Variants in ANAPC4 observed in about 807,000 individuals in gnomAD.
The protein encoded by ANAPC4 is anaphase promoting complex subunit 4.
Under a neutral mutation model 119.8 loss-of-function variants are expected in ANAPC4, and 63 were observed. That is an observed-to-expected ratio of 0.53 (90% CI 0.43 to 0.65). The LOEUF is 0.65. Among genes scored for constraint, ANAPC4 ranks in the 30% least tolerant of loss-of-function variants. The pLI is 0.00. For synonymous variants in ANAPC4, 283 were observed against 318.6 expected (o/e 0.89, Z 1.19); for missense variants, 716 against 945.1 (o/e 0.76, Z 3.18).
intron 24 of ANAPC4, 25 bp downstream of exon 24, chr4:25,414,529 T>G (rs1297743641): frequency 1.2e-5 from 19 of 1,588,404 alleles, no homozygotes; most frequent in Non-Finnish European, 1.5e-5. Context: ...CTTCCCTATC[T>G]TGAGTGAACA....
Position 25,377,349 on chromosome 4 carries a change from A to G in ANAPC4, c.-11+5A>G. ...TGCCGGTGGGGACTCTTGCAGGTAC[A>G]GGCGCGGTCGGGGCTCCTCGTGGAG... On this transcript the variant is annotated splice_donor_5th_base_variant and intron_variant, in intron 1 of 28. Coordinates refer to ENST00000315368, the MANE Select transcript of ANAPC4 (RefSeq NM_013367.3). 2.5e-6 allele frequency: 4 copies of G among 1,575,602 alleles called. No individual in the cohort carries two copies. The highest frequency in any genetic ancestry group is 3.4e-6 in the Non-Finnish European group (4 of 1,160,746).
chr4:25,414,775 A>G, intron 25 of ANAPC4, 75 bp downstream of exon 25: 1 of 1,285,810 alleles, frequency 7.8e-7, no homozygotes, highest in Non-Finnish European at 1.0e-6. Context: ...ACAGCCTTCC[A>G]GCATTTCAGA....
chr4:25,384,607 G>A (rs948121995), intron 4 of ANAPC4, among the ~76,000 whole-genome samples: 2 of 152,148 alleles, frequency 1.3e-5, no homozygotes, highest in African/African-American at 2.4e-5. Flanking sequence ...GTAGGCAGGA[G>A]CTCAGGAGTT....
intron 25 of ANAPC4, 31 bp from the exon 26 acceptor site, chr4:25,415,435 A>T (rs377388000): frequency 1.1e-4 from 170 of 1,553,110 alleles, no homozygotes; most frequent in Non-Finnish European, 1.5e-4. Context: ...TGTTCCACAG[A>T]GTCTCTTTTT....
At chr4:25,386,814 G>T (rs1294389105) in intron 4 of ANAPC4, among the ~76,000 whole-genome samples, 2 of 152,112 alleles carry the variant, frequency 1.3e-5, no homozygotes, top group Non-Finnish European at 2.9e-5. Context: ...AAGGAGATAT[G>T]CCTGTATTTT....
chr4:25,409,421 A>G (rs1449479759), intron 20 of ANAPC4, among the ~76,000 whole-genome samples: 1 of 152,202 alleles, frequency 6.6e-6, no homozygotes, highest in African/African-American at 2.4e-5. Flanking sequence ...AATTTTTAAG[A>G]TAGTAGCTAG....
chr4:25,418,119 A>C, intron 28 of ANAPC4, 36 bp from the exon 29 acceptor site: 1 of 1,551,086 alleles, frequency 6.4e-7, no homozygotes, highest in Non-Finnish European at 8.8e-7. Context: ...ATAAGCCATT[A>C]ATTTAAAAAT....
At chr4:25,382,852 A>G (rs1005145584) in intron 3 of ANAPC4, among the ~76,000 whole-genome samples, 8 of 152,260 alleles carry the variant, frequency 5.3e-5, no homozygotes, top group African/African-American at 1.9e-4. Flanking sequence ...TAGAAACATA[A>G]AAGAGGAATA....
At chr4:25,384,262 T>A (rs947580193) in intron 4 of ANAPC4, among the ~76,000 whole-genome samples, 57 of 152,308 alleles carry the variant, frequency 3.7e-4, no homozygotes, top group African/African-American at 1.3e-3. Flanking sequence ...TACTTCTAAT[T>A]CTAGTTCTCT....
In ANAPC4 at chr4:25,417,605, T is replaced by G. The variant is rs1261122800; in HGVS notation, c.2076-11T>G. ...CTTTTCATTCCTGAGTTGGTTTTTTTCCCTCTTTAGGCTAGATGAACAGTG... is the reference window on the plus strand; with the variant it reads ...CTTTTCATTCCTGAGTTGGTTTTTTGCCCTCTTTAGGCTAGATGAACAGTG... On this transcript the variant is annotated splice_polypyrimidine_tract_variant and intron_variant, in intron 27 of 28. Coordinates refer to ENST00000315368, the MANE Select transcript of ANAPC4 (RefSeq NM_013367.3). 1.3e-6 allele frequency: 2 copies of G among 1,576,046 alleles called. No homozygotes were observed. The highest frequency in any genetic ancestry group is 1.7e-6 in the Non-Finnish European group (2 of 1,165,272).
chr4:25,411,564 G>T (rs533106859), intron 21 of ANAPC4, among the ~76,000 whole-genome samples: 71 of 152,268 alleles, frequency 4.7e-4, no homozygotes, highest in African/African-American at 1.7e-3. Context: ...GGTAAAAGTT[G>T]GTGCTCTGAA....
chr4:25,395,548 C>G (rs1202405470), intron 14 of ANAPC4: 2 of 152,710 alleles, frequency 1.3e-5, no homozygotes, highest in Non-Finnish European at 2.9e-5. Context: ...CTCCCGGGTT[C>G]AAGCGATTCT....
Position 25,394,346 on chromosome 4 carries a change from A to G in ANAPC4, c.913A>G (p.Met305Val). 1.3e-6 allele frequency: 2 copies of G among 1,582,430 alleles called. No homozygotes were observed. The highest frequency in any genetic ancestry group is 1.7e-6 in the Non-Finnish European group (2 of 1,172,452). ...NTTTSVQDEF[M>V]HLLLWGKASA... is the part of the protein sequence containing the mutation. ...AACCACATCAGTGCAAGATGAGTTC[A>G]TGCACTTGCTATTATGGGGGAAAGC... The change falls in exon 12 of 29, where the codon ATG becomes GTG. Residue 305 changes from methionine (M) to valine (V), a missense_variant. By Grantham distance (21) the Met-to-Val change is conservative. Around this residue, in one of 3 missense-constraint regions of ANAPC4, gnomAD observed 504 missense variants for 615.8 expected, o/e 0.82. Transcript: ENST00000315368.
At chr4:25,389,071 A>G (rs1722196124) in intron 7 of ANAPC4, among the ~76,000 whole-genome samples, 189 bp downstream of exon 7, 1 of 151,750 alleles carries the variant, frequency 6.6e-6, no homozygotes, top group South Asian at 2.1e-4. Flanking sequence ...GCTCACTACA[A>G]CCTCTACTTC....
intron 16 of ANAPC4, among the ~76,000 whole-genome samples, chr4:25,400,536 G>T (rs189490110): frequency 6.6e-6 from 1 of 152,294 alleles, no homozygotes. Context: ...CAGCTGTCTA[G>T]TCCAGCAGGA....
chr4:25,380,991 G>A (rs770278849), intron 3 of ANAPC4, among the ~76,000 whole-genome samples: 34 of 152,048 alleles, frequency 2.2e-4, no homozygotes, highest in African/African-American at 7.0e-4. Context: ...ACCCTCTTAC[G>A]TTAAAGCCTG....
chr4:25,408,195 T>C (rs1210565940), intron 20 of ANAPC4, among the ~76,000 whole-genome samples: 1 of 152,242 alleles, frequency 6.6e-6, no homozygotes, highest in Non-Finnish European at 1.5e-5. Context: ...TTTCAGATAA[T>C]TGTGACTTTG....
rs199902077 is a variant in ANAPC4 at position 25,416,552 on chromosome 4, A to G, written c.2029A>G (p.Ser677Gly). The G allele has an allele frequency of 1.0e-4, 162 of 1,583,350 alleles. No homozygotes were observed. Among genetic ancestry groups the G allele is most frequent in the Non-Finnish European group, 1.3e-4 (149 of 1,159,330 alleles). Residue 677 changes from serine to glycine, a missense_variant, in exon 27 of 29, where the codon AGT becomes GGT. By Grantham distance (56) the Ser-to-Gly change is moderately conservative. This residue lies in a region of ANAPC4 where 504 missense variants were observed against 615.8 expected (regional missense o/e 0.82). Transcript: ENST00000315368. The part of the protein sequence containing the change: ...VQLPLSLVYN[S>G]EDSAEYQFTG... ...GCTGCCTTTGTCTTTAGTATATAAC[A>G]GTGAAGATTCTGCAGAATATCAGTT...
At chr4:25,393,491 G>A (rs184460537) in intron 10 of ANAPC4, among the ~76,000 whole-genome samples, 129 of 152,026 alleles carry the variant, frequency 8.5e-4, no homozygotes, top group African/African-American at 3.0e-3. Flanking sequence ...GTAAAGCCCC[G>A]TCTCTACTAA....
Sources: allele counts gnomAD v4.1 joint callset (sites outside exome capture counted in the v4.1 genomes callset), GRCh38; gene constraint gnomAD v4.1.1; regional missense constraint gnomAD v4.1.1; transcripts MANE v1.5; gene names NCBI Gene and HGNC (gene_info 2026-07-23, HGNC 2026-07-21).